The following TBC1D30 variants were observed in gnomAD, a reference collection of about 807,000 sequenced individuals.
TBC1D30 encodes TBC1 domain family, member 30.
TBC1D30 carries 31 observed loss-of-function variants against 63.2 expected under a neutral mutation model. The observed-to-expected ratio is 0.49, with a 90% CI of 0.37 to 0.66. The LOEUF (loss-of-function observed/expected upper bound fraction) is 0.66. TBC1D30 is among the 30% of genes least tolerant of loss of function. The pLI is 0.00. For missense variants in TBC1D30, 810 were observed against 953.6 expected (o/e 0.85, Z 1.98); for synonymous variants, 307 against 361.5 (o/e 0.85, Z 1.71).
intron 2 of TBC1D30, among the ~76,000 whole-genome samples, chr12:64,805,226 A>G (rs1872794067): frequency 6.6e-6 from 1 of 152,106 alleles, no homozygotes; most frequent in Admixed American, 6.6e-5. Flanking sequence ...AACAAAATAA[A>G]AAAGAGACTT....
In TBC1D30 at chr12:64,866,918, C is replaced by G; in HGVS notation, c.1291+15C>G. 6.5e-7 allele frequency: 1 copy of G among 1,535,580 alleles called. No homozygotes were observed. Among genetic ancestry groups the G allele is most frequent in the Admixed American group, 2.0e-5 (1 of 50,916 alleles). ...ACAAATTAAAGGTAAAGAGGTGGCTCTTGATTTAGATTATCATGATGTATT... is the reference window on the plus strand; with the variant it reads ...ACAAATTAAAGGTAAAGAGGTGGCTGTTGATTTAGATTATCATGATGTATT... On this transcript the variant is annotated intron_variant, in intron 10 of 11. Coordinates refer to ENST00000539867, the MANE Select transcript of TBC1D30 (RefSeq NM_015279.2).
intron 9 of TBC1D30, among the ~76,000 whole-genome samples, chr12:64,866,370 A>T (rs1878213738): frequency 1.3e-5 from 2 of 152,220 alleles, no homozygotes; most frequent in African/African-American, 4.8e-5. Flanking sequence ...GACCATGGTT[A>T]CTAGTTTCAA....
intron 8 of TBC1D30, among the ~76,000 whole-genome samples, chr12:64,861,545 A>G (rs188631800): frequency 7.2e-5 from 11 of 152,340 alleles, no homozygotes; most frequent in African/African-American, 1.9e-4. Flanking sequence ...TCTAAGTGCC[A>G]TACTGAAAAT....
At chr12:64,825,305 G>T (rs1874222353) in intron 1 of TBC1D30, 4 of 414,324 alleles carry the variant, frequency 9.7e-6, no homozygotes, top group Non-Finnish European at 1.7e-5. Context: ...CGGCCTGTGT[G>T]CTCGGCTTTC....
Position 64,830,296 on chromosome 12 carries a change from C to A in TBC1D30, c.283-81C>A, listed in dbSNP as rs567044914. On this transcript the variant is annotated intron_variant, in intron 3 of 11. Transcript: ENST00000539867. ...CTAGGGACACTTCCCATTTTCTTGT[C>A]GAATGCAATAACTACTTTCTAATAA... The A allele has an allele frequency of 1.3e-5, 17 of 1,357,040 alleles. No individual in the cohort carries two copies. In the Admixed American group the frequency reaches 3.2e-4, roughly 25 times the overall value. 84.1% of individuals were successfully genotyped at this position (1,357,040 alleles called of 1,614,324 possible).
At chr12:64,795,603 A>G (rs1317561707) in intron 2 of TBC1D30, among the ~76,000 whole-genome samples, 2 of 152,024 alleles carry the variant, frequency 1.3e-5, no homozygotes, top group African/African-American at 2.4e-5. Flanking sequence ...GTTGGATTTC[A>G]GCTTTCCTGT....
intron 1 of TBC1D30, among the ~76,000 whole-genome samples, chr12:64,769,489 G>C (rs1301946939): frequency 7.3e-5 from 11 of 150,608 alleles, no homozygotes; most frequent in African/African-American, 1.5e-4. Flanking sequence ...GCAATTCTCT[G>C]CCTCTGCCTC....
At chr12:64,814,674 C>T (rs1873418822) in intron 2 of TBC1D30, among the ~76,000 whole-genome samples, 1 of 152,144 alleles carries the variant, frequency 6.6e-6, no homozygotes, top group Non-Finnish European at 1.5e-5. Flanking sequence ...GGACTAAAGA[C>T]AGTGGTAATT....
intron 8 of TBC1D30, among the ~76,000 whole-genome samples, chr12:64,864,292 A>T (rs1298839423): frequency 6.6e-6 from 1 of 152,248 alleles, no homozygotes; most frequent in Non-Finnish European, 1.5e-5. Context: ...CAGAGCTGTG[A>T]AAAGTAAGCA....
intron 2 of TBC1D30, among the ~76,000 whole-genome samples, chr12:64,815,539 T>A (rs1047500075): frequency 6.6e-6 from 1 of 152,248 alleles, no homozygotes; most frequent in African/African-American, 2.4e-5. Flanking sequence ...GTAAGACTAC[T>A]GTAGCAGCAC....
chr12:64,866,046 T>C (rs1269212071), intron 9 of TBC1D30, among the ~76,000 whole-genome samples: 1 of 152,124 alleles, frequency 6.6e-6, no homozygotes, highest in Non-Finnish European at 1.5e-5. Context: ...ATTTTTAAAT[T>C]TCTTGCAGAG....
intron 2 of TBC1D30, among the ~76,000 whole-genome samples, chr12:64,792,662 C>T (rs1372024684): frequency 6.6e-6 from 1 of 152,138 alleles, no homozygotes; most frequent in Non-Finnish European, 1.5e-5. Context: ...CTCTGTCTCC[C>T]GAGTTCAAGC....
rs1278177521 is a variant in TBC1D30 at position 64,875,756 on chromosome 12, G to A, written c.2254G>A (p.Gly752Ser). The change falls in exon 12 of 12, where the codon GGC (glycine) becomes AGC (serine). Residue 752 changes from glycine to serine, a missense_variant. Coordinates refer to ENST00000539867, the MANE Select transcript of TBC1D30 (RefSeq NM_015279.2). ...AATGAGTAGGAGCTTCAGCAAACCC[G>A]GCGGTGGAAACAGTGGCACTAAAAA... ...PQMSRSFSKP[G>S]GGNSGTKKR The A allele has an allele frequency of 4.6e-6, 7 of 1,533,042 alleles. No homozygotes were observed. Among genetic ancestry groups the A allele is most frequent in the South Asian group, 2.4e-5 (2 of 83,328 alleles). 95.0% of individuals were successfully genotyped at this position (1,533,042 alleles called of 1,614,324 possible). A position where few individuals can be genotyped will look rare whatever the true frequency, so the allele number is the denominator to read the frequency against.
intron 2 of TBC1D30, among the ~76,000 whole-genome samples, chr12:64,792,721 C>A (rs112676826): frequency 0.03 from 4,541 of 152,184 alleles, 124 homozygotes; most frequent in African/African-American, 0.075. Flanking sequence ...CAGGTGTGTG[C>A]CACCACACCC....
chr12:64,825,363 GCACCAC>G (rs1874231207), intron 1 of TBC1D30: 1 of 316,298 alleles, frequency 3.2e-6, no homozygotes, highest in Non-Finnish European at 5.8e-6. Context: ...CTCAGAGGCC[GCACCAC>G]CTATTGTGTT....
chr12:64,796,364 G>A (rs1480649270), intron 2 of TBC1D30, among the ~76,000 whole-genome samples: 1 of 152,050 alleles, frequency 6.6e-6, no homozygotes, highest in Non-Finnish European at 1.5e-5. Flanking sequence ...TAGTGACTCA[G>A]GAGTTTTTTG....
At chr12:64,866,314 G>A (rs1039637210) in intron 9 of TBC1D30, among the ~76,000 whole-genome samples, 1 of 152,218 alleles carries the variant, frequency 6.6e-6, no homozygotes, top group African/African-American at 2.4e-5. Flanking sequence ...ATAAGAACCA[G>A]TAACAGTGAT....
chr12:64,779,536 G>A (rs1871172766), upstream of TBC1D30, among the ~76,000 whole-genome samples: 6 of 152,094 alleles, frequency 3.9e-5, no homozygotes, highest in South Asian at 1.2e-3. Flanking sequence ...TGGTGTCAAG[G>A]TACACCAGAT....
At chr12:64,822,859 G>A (rs1185795277), upstream of TBC1D30, among the ~76,000 whole-genome samples, 1 of 151,920 alleles carries the variant, frequency 6.6e-6, no homozygotes, top group African/African-American at 2.4e-5. Flanking sequence ...TCATCAAAAT[G>A]TTTCAGGGTC....
Sources: gnomAD v4.1 joint callset for allele counts (sites outside exome capture counted in the v4.1 genomes callset) on GRCh38, gnomAD v4.1.1 for gene constraint, MANE v1.5 for transcripts, NCBI Gene and HGNC (gene_info 2026-07-23, HGNC 2026-07-21) for gene names.